The following ANKRD31 variants were observed in gnomAD, a reference collection of about 807,000 sequenced individuals.
The protein encoded by ANKRD31 is ankyrin repeat domain 31.
ANKRD31 carries 147 observed loss-of-function variants against 186.0 expected under a neutral mutation model. The observed-to-expected ratio is 0.79, with a 90% CI of 0.69 to 0.91. ANKRD31 has a LOEUF of 0.91. Among genes scored for constraint, ANKRD31 ranks in the 40% least tolerant of loss-of-function variants. The probability of loss-of-function intolerance (pLI) is 0.00; values close to 1 mark genes in which losing one functional copy is unlikely to be tolerated. For missense variants in ANKRD31, 1,986 were observed against 2,148.8 expected, an observed-to-expected ratio of 0.92 and a Z score of 1.50; for synonymous variants, 673 against 736.4, an observed-to-expected ratio of 0.91 and a Z score of 1.39.
At chr5:75,076,666 T>TG (rs1367639150) in intron 25 of ANKRD31, among the ~76,000 whole-genome samples, 2 of 152,206 alleles carry the variant, frequency 1.3e-5, no homozygotes, top group East Asian at 3.8e-4. Context: ...GGTTGAAGTG[T>TG]GGAGCTGAAA....
intron 15 of ANKRD31, among the ~76,000 whole-genome samples, chr5:75,139,604 A>G (rs532689690): frequency 6.6e-6 from 1 of 152,150 alleles, no homozygotes; most frequent in Non-Finnish European, 1.5e-5. Context: ...GTACCATATT[A>G]AAAAAATGAA....
intron 6 of ANKRD31, 81 bp downstream of exon 6, chr5:75,199,550 G>A: frequency 8.6e-7 from 1 of 1,169,176 alleles, no homozygotes. Flanking sequence ...GTCTAAATGA[G>A]CTTGATACTT....
intron 22 of ANKRD31, among the ~76,000 whole-genome samples, chr5:75,098,160 T>G (rs1417392550): frequency 3.9e-5 from 6 of 151,914 alleles, no homozygotes; most frequent in African/African-American, 1.2e-4. Context: ...GCCCGGCTAA[T>G]TTTTTTGTAT....
At chr5:75,235,782 T>C (rs1326307448) in intron 1 of ANKRD31, among the ~76,000 whole-genome samples, 1 of 152,154 alleles carries the variant, frequency 6.6e-6, no homozygotes, top group Non-Finnish European at 1.5e-5. Context: ...GAATCCCCCT[T>C]TTTTCTCTCT....
At chr5:75,099,990 C>T (rs980392949) in intron 22 of ANKRD31, among the ~76,000 whole-genome samples, 13 of 152,064 alleles carry the variant, frequency 8.5e-5, no homozygotes, top group African/African-American at 3.1e-4. Context: ...GCTCTTGCTT[C>T]TTTAGTTCAT....
At chr5:75,156,468 G>A (rs181406320) in intron 11 of ANKRD31, among the ~76,000 whole-genome samples, 120 of 152,274 alleles carry the variant, frequency 7.9e-4, no homozygotes, top group Admixed American at 5.8e-3. Context: ...CGCACTTATC[G>A]TGGTAGGCTG....
At chr5:75,219,976 T>C (rs1757185199) in intron 3 of ANKRD31, among the ~76,000 whole-genome samples, 1 of 152,182 alleles carries the variant, frequency 6.6e-6, no homozygotes, top group Non-Finnish European at 1.5e-5. Flanking sequence ...TTATACCGTA[T>C]ATAAAAATCA....
chr5:75,222,451 T>C, intron 2 of ANKRD31, 93 bp from the exon 3 acceptor site: 1 of 826,814 alleles, frequency 1.2e-6, no homozygotes, highest in Non-Finnish European at 1.9e-6. Context: ...CAAAATGTTA[T>C]CAAGAATCAT....
intron 17 of ANKRD31, among the ~76,000 whole-genome samples, chr5:75,126,722 A>G (rs942043242): frequency 8.0e-4 from 122 of 152,310 alleles, no homozygotes; most frequent in African/African-American, 2.8e-3. Context: ...ATTTAATGAA[A>G]TAATAGCTGA....
intron 6 of ANKRD31, among the ~76,000 whole-genome samples, chr5:75,198,835 A>C (rs1279047941): frequency 6.6e-6 from 1 of 152,178 alleles, no homozygotes; most frequent in Non-Finnish European, 1.5e-5. Context: ...ATACCTGTAA[A>C]ACAGCTATCG....
intron 17 of ANKRD31, among the ~76,000 whole-genome samples, chr5:75,132,299 T>C (rs1749926373): frequency 6.6e-6 from 1 of 152,084 alleles, no homozygotes; most frequent in Non-Finnish European, 1.5e-5. Flanking sequence ...CTAACTAGAA[T>C]AAACAGCATA....
At chr5:75,143,093 CT>C (rs1428691588) in intron 15 of ANKRD31, among the ~76,000 whole-genome samples, 2 of 152,102 alleles carry the variant, frequency 1.3e-5, no homozygotes, top group Non-Finnish European at 2.9e-5. Flanking sequence ...CTTCTGATGG[CT>C]GTCAGCATTG....
chr5:75,111,926 T>C (rs1011504494), intron 20 of ANKRD31, among the ~76,000 whole-genome samples: 3 of 152,152 alleles, frequency 2.0e-5, no homozygotes, highest in African/African-American at 7.2e-5. Context: ...CTATTTCTGA[T>C]CTACTTTTAA....
chr5:75,093,784 T>C (rs1187590881), intron 22 of ANKRD31, among the ~76,000 whole-genome samples: 1 of 152,174 alleles, frequency 6.6e-6, no homozygotes, highest in Non-Finnish European at 1.5e-5. Flanking sequence ...AAGAATCCTA[T>C]ATCTAGGAAA....
chr5:75,130,553 C>G (rs1749706278), intron 17 of ANKRD31, among the ~76,000 whole-genome samples: 1 of 152,150 alleles, frequency 6.6e-6, no homozygotes, highest in African/African-American at 2.4e-5. Flanking sequence ...ATTTACAAAC[C>G]TTTAGCTAGA....
At chr5:75,174,359 A>G (rs1753598282) in intron 10 of ANKRD31, among the ~76,000 whole-genome samples, 1 of 152,216 alleles carries the variant, frequency 6.6e-6, no homozygotes, top group African/African-American at 2.4e-5. Flanking sequence ...AATGGCAACA[A>G]AAGCCAAAAT....
At chr5:75,133,089 A>G (rs1750012445) in intron 17 of ANKRD31, among the ~76,000 whole-genome samples, 1 of 152,226 alleles carries the variant, frequency 6.6e-6, no homozygotes, top group Admixed American at 6.5e-5. Context: ...CGATGCTAGG[A>G]AGAAACTGCA....
At chr5:75,118,777 T>C (rs930554985) in intron 17 of ANKRD31, among the ~76,000 whole-genome samples, 5 of 152,154 alleles carry the variant, frequency 3.3e-5, no homozygotes, top group Non-Finnish European at 7.4e-5. Flanking sequence ...CAGATCTAGA[T>C]GTTGTGCAGA....
intron 23 of ANKRD31, among the ~76,000 whole-genome samples, chr5:75,088,767 T>C (rs1279634209): frequency 2.6e-5 from 4 of 152,240 alleles, no homozygotes; most frequent in Non-Finnish European, 5.9e-5. Flanking sequence ...TTTGTTTTCA[T>C]ATCCATGAAC....
Sources: gnomAD v4.1 joint callset for allele counts (sites outside exome capture counted in the v4.1 genomes callset) on GRCh38, gnomAD v4.1.1 for gene constraint, MANE v1.5 for transcripts, NCBI Gene and HGNC (gene_info 2026-07-23, HGNC 2026-07-21) for gene names.